ANK1: variants seen among roughly 807,000 people sequenced by gnomAD.
The protein encoded by ANK1 is ankyrin-1.
A neutral mutation model predicts 210.4 loss-of-function variants in ANK1; 51 were observed. The ratio of observed to expected loss-of-function variants is 0.24; its 90% CI spans 0.19 to 0.31. ANK1 has a LOEUF of 0.31. Among genes scored for constraint, ANK1 ranks in the 10% least tolerant of loss-of-function variants. The pLI is 1.00. For synonymous variants in ANK1, 967 were observed against 1,025.9 expected (o/e 0.94, Z 1.10); for missense variants, 2,051 against 2,504.4 (o/e 0.82, Z 3.86).
chr8:41,762,453 T>C (rs1217819218), intron 1 of ANK1, among the ~76,000 whole-genome samples: 1 of 152,228 alleles, frequency 6.6e-6, no homozygotes, highest in Non-Finnish European at 1.5e-5. Flanking sequence ...AACTGTTTGC[T>C]TCTTGGGGCA....
intron 1 of ANK1, among the ~76,000 whole-genome samples, chr8:41,765,634 G>A (rs200924178): frequency 8.5e-5 from 13 of 152,224 alleles, no homozygotes; most frequent in South Asian, 2.1e-4. Context: ...CTGTGCCCAC[G>A]TCAGGAGAAA....
intron 2 of ANK1, among the ~76,000 whole-genome samples, chr8:41,748,751 T>A (rs559757012): frequency 6.6e-6 from 1 of 152,192 alleles, no homozygotes; most frequent in African/African-American, 2.4e-5. Flanking sequence ...ATTTGTTGAA[T>A]GAAGCCAGGC....
intron 1 of ANK1, among the ~76,000 whole-genome samples, chr8:41,778,099 C>A (rs1281947045): frequency 6.6e-6 from 1 of 152,158 alleles, no homozygotes; most frequent in Non-Finnish European, 1.5e-5. Flanking sequence ...TTCATTTATT[C>A]TTTCACTCAA....
At chr8:41,765,260 CAGAGTCT>C in intron 1 of ANK1, among the ~76,000 whole-genome samples, 1 of 150,776 alleles carries the variant, frequency 6.6e-6, no homozygotes, top group African/African-American at 2.4e-5. Flanking sequence ...TCTTTCAAGA[CAGAGTCT>C]CCCTCTTTCT....
In ANK1 at chr8:41,702,163, G is replaced by A. The variant is rs773077845; in HGVS notation, c.2296-19C>T. ...TTCCATCCTGGGGAAAGAGCAGCCC[G>A]GGTGCAGTCAGACAGGGGATGGAGT... On this transcript the variant is annotated intron_variant, in intron 20 of 42. Transcript: ENST00000289734. 6 of 1,606,132 alleles carry A rather than the reference G, an allele frequency of 3.7e-6. No individual in the cohort carries two copies. Among genetic ancestry groups the A allele is most frequent in the East Asian group, 2.2e-5 (1 of 44,838 alleles).
chr8:41,709,564 A>G (rs190617448), intron 16 of ANK1, among the ~76,000 whole-genome samples: 5 of 152,258 alleles, frequency 3.3e-5, no homozygotes, highest in African/African-American at 1.2e-4. Flanking sequence ...GGATAATAGC[A>G]TCTATCTTGT....
At chr8:41,664,635 G>A (rs933423546) in intron 39 of ANK1, among the ~76,000 whole-genome samples, 3 of 152,070 alleles carry the variant, frequency 2.0e-5, no homozygotes, top group African/African-American at 7.2e-5. Flanking sequence ...TCTGGTGGGC[G>A]CACACACACT....
chr8:41,776,264 T>C (rs1844019051), intron 1 of ANK1, among the ~76,000 whole-genome samples: 1 of 152,130 alleles, frequency 6.6e-6, no homozygotes, highest in South Asian at 2.1e-4. Flanking sequence ...ATTCTCTCTA[T>C]TCAGAAAAAA....
chr8:41,683,826 G>T (rs1365800738), intron 37 of ANK1, among the ~76,000 whole-genome samples: 1 of 152,202 alleles, frequency 6.6e-6, no homozygotes, highest in African/African-American at 2.4e-5. Context: ...TTGCGAGGGG[G>T]CCTGGCCCAG....
intron 1 of ANK1, among the ~76,000 whole-genome samples, chr8:41,819,891 T>C (rs1803920603): frequency 6.6e-6 from 1 of 152,208 alleles, no homozygotes; most frequent in South Asian, 2.1e-4. Flanking sequence ...CACAGCAAAG[T>C]TCGTCTAAAC....
chr8:41,727,995 C>A lies in ANK1; in HGVS notation c.240G>T (p.Thr80=). 1.9e-6 allele frequency: 3 copies of A among 1,614,092 alleles called. No individual in the cohort carries two copies. The highest frequency in any genetic ancestry group is 1.3e-5 in the African/African-American group (1 of 75,056). The change falls in exon 4 of 43, where the codon ACG becomes ACT. Residue 80 remains threonine, a synonymous_variant. Coordinates refer to ENST00000289734, the MANE Select transcript of ANK1 (RefSeq NM_000037.4). ...CGGCTAGAGCAGCGATGTGCAGGGC[C>A]GTGTTCCCCTTCTGAAACACATGGG... is the stretch of plus-strand genomic sequence containing the variant. The part of the protein sequence containing the change: ...ILETTTKKGN[T]ALHIAALAGQ...
chr8:41,733,162 G>C (rs111853032), intron 3 of ANK1, among the ~76,000 whole-genome samples: 3,051 of 152,336 alleles, frequency 0.02, 103 homozygotes, highest in African/African-American at 0.07. Flanking sequence ...GGATTTTGAA[G>C]TTGAGTCACT....
intron 2 of ANK1, among the ~76,000 whole-genome samples, chr8:41,752,142 A>T (rs1214890233): frequency 6.6e-6 from 1 of 152,070 alleles, no homozygotes; most frequent in Non-Finnish European, 1.5e-5. Flanking sequence ...CCCCACCGAA[A>T]TAGTCACCTT....
rs558045530 is a variant in ANK1, at chr8:41,699,787, CAAAGACACAGCCAGAA to C, written c.2462-255_2462-240del. Reference sequence around the variant, plus strand: ...AGATGCCTGAGGCTTTGCAGGAGGCCAAAGACACAGCCAGAAAGAACTTTGTTCGCTTAGTTCCAAT... The same window carrying C: ...AGATGCCTGAGGCTTTGCAGGAGGCCAGAACTTTGTTCGCTTAGTTCCAAT... On this transcript the variant is annotated intron_variant, in intron 22 of 42. Coordinates refer to ENST00000289734, the MANE Select transcript of ANK1 (RefSeq NM_000037.4). Among the ~76,000 whole-genome samples, 32 of 152,250 alleles carry C rather than the reference CAAAGACACAGCCAGAA, an allele frequency of 2.1e-4. No individual in the cohort carries two copies. In the South Asian group the frequency reaches 6.6e-3, roughly 32 times the overall value.
intron 2 of ANK1, among the ~76,000 whole-genome samples, chr8:41,740,492 C>CA (rs1159496103): frequency 6.6e-6 from 1 of 152,026 alleles, no homozygotes; most frequent in Non-Finnish European, 1.5e-5. Context: ...ATCCCGGGCC[C>CA]AAAACAATCT....
At chr8:41,867,624 C>T (rs1475487763) in intron 1 of ANK1, among the ~76,000 whole-genome samples, 1 of 151,966 alleles carries the variant, frequency 6.6e-6, no homozygotes, top group Non-Finnish European at 1.5e-5. Context: ...GCACCCATGC[C>T]ACACACACAC....
intron 24 of ANK1, 99 bp from the exon 25 acceptor site, chr8:41,696,872 C>G (rs1821176584): frequency 1.7e-6 from 2 of 1,161,156 alleles, no homozygotes; most frequent in Non-Finnish European, 1.2e-6. Flanking sequence ...CCGCTAGAAA[C>G]CAGGTGCCAC....
At chr8:41,896,177 G>A (rs535194766) in intron 1 of ANK1, among the ~76,000 whole-genome samples, 89 of 152,146 alleles carry the variant, frequency 5.8e-4, no homozygotes, top group African/African-American at 1.9e-3. Context: ...TCCCCTTCCC[G>A]GCCGCGCAGA....
At chr8:41,869,682 TG>T (rs1815114104) in intron 1 of ANK1, among the ~76,000 whole-genome samples, 1 of 152,144 alleles carries the variant, frequency 6.6e-6, no homozygotes, top group Non-Finnish European at 1.5e-5. Context: ...AAGCACACTG[TG>T]AGAACTCACA....
Sources: gnomAD v4.1 joint callset for allele counts (sites outside exome capture counted in the v4.1 genomes callset) on GRCh38, gnomAD v4.1.1 for gene constraint, MANE v1.5 for transcripts, NCBI Gene and HGNC (gene_info 2026-07-23, HGNC 2026-07-21) for gene names.